The following STK3 variants were observed in gnomAD, a reference collection of about 807,000 sequenced individuals.
STK3 encodes serine/threonine-protein kinase 3.
STK3 carries 41 observed loss-of-function variants against 58.0 expected under a neutral mutation model. That is an observed-to-expected ratio of 0.71 (90% confidence interval 0.55 to 0.92). STK3 has a LOEUF of 0.92. Ranked by LOEUF, STK3 falls within the 40% of genes least tolerant of loss-of-function variation. The pLI is 0.00. For synonymous variants in STK3, 170 were observed against 191.0 expected (o/e 0.89, Z 0.91); for missense variants, 479 against 602.7 (o/e 0.79, Z 2.15).
At chr8:98,350,178 C>T in the STK3 span, among the ~76,000 whole-genome samples, 2 of 152,080 alleles carry the variant, frequency 1.3e-5, no homozygotes, top group South Asian at 2.1e-4. Context: ...TGCCAGATAC[C>T]CTAAATCATC....
At chr8:98,655,216 C>G (rs74836175) in intron 6 of STK3, among the ~76,000 whole-genome samples, 42,991 of 151,816 alleles carry the variant, frequency 0.28, 6,395 homozygotes, top group Admixed American at 0.41. Flanking sequence ...ACAAACCTGA[C>G]AAAAACAAGC....
chr8:98,452,972 G>T, downstream of STK3, among the ~76,000 whole-genome samples: 1 of 116,784 alleles, frequency 8.6e-6, no homozygotes, highest in Admixed American at 1.0e-4. Context: ...TGTTGGTCAG[G>T]CTGGTCTTGA....
Position 98,428,119 on chromosome 8 carries a change from T to C in STK3, n.483+6008A>G. ...CCCGAGACGCGCCTGGGCCGCTTGC[T>C]GCTCTGCCACTCGCGCGAGGCCATT... is the stretch of plus-strand genomic sequence containing the variant. On this transcript the variant is annotated intron_variant and non_coding_transcript_variant, in intron 3 of 3. Transcript: ENST00000517832. The surrounding 1 kb of genome is among the most constrained non-coding windows in gnomAD (Gnocchi z 6.7). 6.2e-7 allele frequency: 1 copy of C among 1,613,934 alleles called. No homozygotes were observed. The highest frequency in any genetic ancestry group is 8.5e-7 in the Non-Finnish European group (1 of 1,180,008).
At chr8:98,921,407 T>G (rs1327293515) in intron 1 of STK3, 13 of 152,572 alleles carry the variant, frequency 8.5e-5, no homozygotes, top group Admixed American at 8.5e-4. Flanking sequence ...GGTCATCCAC[T>G]TCAACTGAGC....
chr8:98,350,759 C>T, the STK3 span, among the ~76,000 whole-genome samples: 1 of 152,166 alleles, frequency 6.6e-6, no homozygotes, highest in Non-Finnish European at 1.5e-5. Context: ...TTAGTCACTA[C>T]CATGAGAACA....
chr8:98,803,614 A>AG (rs1833727765), intron 1 of STK3, among the ~76,000 whole-genome samples: 1 of 150,698 alleles, frequency 6.6e-6, no homozygotes, highest in South Asian at 2.1e-4. Context: ...AAAAAGAAAA[A>AG]AAAAGAAAAG....
intron 10 of STK3, among the ~76,000 whole-genome samples, chr8:98,486,594 T>C (rs1166690355): frequency 6.6e-6 from 1 of 152,022 alleles, no homozygotes; most frequent in African/African-American, 2.4e-5. Context: ...TAGGACCCAG[T>C]GGTATCATTT....
At chr8:98,662,901 T>C (rs572474894) in intron 6 of STK3, among the ~76,000 whole-genome samples, 5 of 152,024 alleles carry the variant, frequency 3.3e-5, no homozygotes, top group East Asian at 1.9e-4. Context: ...AAGACTTAAA[T>C]GTTAGACCTA....
In STK3 at chr8:98,428,247, C is replaced by T. The variant is rs749707358; in HGVS notation, n.483+5880G>A. 6.2e-7 allele frequency: 1 copy of T among 1,614,026 alleles called. No homozygotes were observed. The highest frequency in any genetic ancestry group is 8.5e-7 in the Non-Finnish European group (1 of 1,180,036). The stretch of plus-strand genomic sequence containing the variant: ...GCTGCATTTCTATCACACCGGCAAG[C>T]TTCACGTCATGGCTGAGCTATGTGT... On this transcript the variant is annotated intron_variant and non_coding_transcript_variant, in intron 3 of 3. Coordinates refer to the STK3 transcript ENST00000517832. This position sits in a 1 kb window ranked among gnomAD's most constrained non-coding sequence, Gnocchi z 6.7.
At chr8:98,722,522 C>T (rs920598563) in intron 4 of STK3, among the ~76,000 whole-genome samples, 4 of 152,122 alleles carry the variant, frequency 2.6e-5, no homozygotes, top group Admixed American at 2.0e-4. Flanking sequence ...ATGCTCATTT[C>T]ATGTCATTTG....
At chr8:98,618,401 C>A (rs1287599637) in intron 6 of STK3, among the ~76,000 whole-genome samples, 2 of 152,062 alleles carry the variant, frequency 1.3e-5, no homozygotes, top group Admixed American at 6.6e-5. Context: ...TGAAAACTGG[C>A]ACAAGATAGG....
chr8:98,568,677 A>C (rs1812709893), intron 8 of STK3, among the ~76,000 whole-genome samples: 1 of 152,206 alleles, frequency 6.6e-6, no homozygotes, highest in Non-Finnish European at 1.5e-5. Context: ...TAATGAAATA[A>C]TAACGTAGAA....
chr8:98,499,470 G>C (rs953258097), intron 10 of STK3, among the ~76,000 whole-genome samples: 1 of 152,214 alleles, frequency 6.6e-6, no homozygotes, highest in South Asian at 2.1e-4. Flanking sequence ...GTAGGCAGAG[G>C]CTAGAAGGAG....
At chr8:98,728,402 T>G (rs1192206354) in intron 4 of STK3, among the ~76,000 whole-genome samples, 1 of 152,186 alleles carries the variant, frequency 6.6e-6, no homozygotes. Flanking sequence ...AAATCTGGAT[T>G]GCACATGTCT....
intron 3 of STK3, among the ~76,000 whole-genome samples, chr8:98,764,196 A>G (rs772393765): frequency 2.2e-4 from 34 of 152,254 alleles, no homozygotes; most frequent in Non-Finnish European, 4.1e-4. Context: ...AAAGTGGTAC[A>G]AAAGTTCTAG....
At chr8:98,937,377 A>G in intron 1 of STK3, among the ~76,000 whole-genome samples, 1 of 152,220 alleles carries the variant, frequency 6.6e-6, no homozygotes, top group South Asian at 2.1e-4. Flanking sequence ...CCAGAAGTTA[A>G]GCCTGTGCTG....
At chr8:98,893,492 G>T (rs1354070021) in intron 1 of STK3, among the ~76,000 whole-genome samples, 2 of 86,808 alleles carry the variant, frequency 2.3e-5, no homozygotes, top group Non-Finnish European at 5.0e-5. Flanking sequence ...GAAAGAGAAA[G>T]AAAGAAAGAA....
intron 3 of STK3, among the ~76,000 whole-genome samples, chr8:98,422,614 AC>A (rs1489080985): frequency 6.6e-6 from 1 of 152,220 alleles, no homozygotes; most frequent in Admixed American, 6.5e-5. Context: ...GGCACAGGAA[AC>A]CGTCTGGGAG....
intron 1 of STK3, among the ~76,000 whole-genome samples, chr8:98,383,991 A>T (rs142839623): frequency 3.3e-5 from 5 of 152,364 alleles, no homozygotes; most frequent in African/African-American, 1.2e-4. Context: ...CATCGTTAGA[A>T]GAAAGACACA....
Sources: allele counts gnomAD v4.1 joint callset (sites outside exome capture counted in the v4.1 genomes callset), GRCh38; gene constraint gnomAD v4.1.1; non-coding constraint Gnocchi (gnomAD v3.1); transcripts MANE v1.5; gene names NCBI Gene and HGNC (gene_info 2026-07-23, HGNC 2026-07-21).